Variants in MALRD1 observed in about 807,000 individuals in gnomAD.
MALRD1 encodes the protein MAM and LDL-receptor class A domain-containing protein 1.
Under a neutral mutation model 242.1 loss-of-function variants are expected in MALRD1, and 247 were observed. The ratio of observed to expected loss-of-function variants is 1.02; its 90% CI spans 0.92 to 1.13. MALRD1 has a LOEUF of 1.13. Ranked by LOEUF, MALRD1 falls within the 50% of genes most tolerant of loss-of-function variation. MALRD1 has a pLI of 0.00. For missense variants in MALRD1, 2,989 were observed against 2,533.1 expected, an observed-to-expected ratio of 1.18 and a Z score of -3.86; for synonymous variants, 995 against 866.6, an observed-to-expected ratio of 1.15 and a Z score of -2.60.
intron 18 of MALRD1, among the ~76,000 whole-genome samples, chr10:19,257,433 A>G (rs1203706812): frequency 6.6e-6 from 1 of 152,104 alleles, no homozygotes; most frequent in Non-Finnish European, 1.5e-5. Flanking sequence ...TGAAATTTCA[A>G]AAATGGAAAC....
chr10:19,237,829 T>TTATAATTATATATAATTATATAGTTATA lies in MALRD1; in HGVS notation c.2992-19842_2992-19815dup, dbSNP rs1564491047. ...TAATTATATAGAATTTTATATGTAA[T>TTATAATTATATATAATTATATAGTTATA]TATAATTATATATAATTATATAGTT... On this transcript the variant is annotated intron_variant, in intron 18 of 39. Transcript: ENST00000454679. Among the ~76,000 whole-genome samples, 470 of 76,176 alleles carry TTATAATTATATATAATTATATAGTTATA rather than the reference T, an allele frequency of 6.2e-3. 6 individuals carry two copies. The highest frequency in any genetic ancestry group is 0.023 in the African/African-American group (440 of 18,930). The allele number at this position is 76,176 out of a possible 152,430, so 50.0% of individuals were successfully genotyped here.
chr10:19,576,964 G>GTTT (rs11331552), intron 33 of MALRD1, among the ~76,000 whole-genome samples: 1 of 123,412 alleles, frequency 8.1e-6, no homozygotes. Context: ...CCACATTGTC[G>GTTT]TTTTTTTTTT....
chr10:19,316,698 C>T (rs994410102), intron 21 of MALRD1, among the ~76,000 whole-genome samples: 2 of 151,658 alleles, frequency 1.3e-5, no homozygotes, highest in Admixed American at 6.6e-5. Flanking sequence ...AGTGCTGTCA[C>T]CTATTTGTGG....
intron 19 of MALRD1, among the ~76,000 whole-genome samples, chr10:19,269,432 T>C (rs1316446962): frequency 6.6e-6 from 1 of 152,244 alleles, no homozygotes; most frequent in Non-Finnish European, 1.5e-5. Context: ...CTTTAGAAAA[T>C]ACTCTTCTAA....
chr10:19,111,354 A>G (rs993361151), intron 5 of MALRD1, among the ~76,000 whole-genome samples: 31 of 152,174 alleles, frequency 2.0e-4, no homozygotes, highest in African/African-American at 7.5e-4. Flanking sequence ...ACCATAATGT[A>G]TTTGAGGTGG....
At chr10:19,423,567 C>T (rs988647743) in intron 28 of MALRD1, among the ~76,000 whole-genome samples, 4 of 151,852 alleles carry the variant, frequency 2.6e-5, no homozygotes, top group Admixed American at 6.6e-5. Context: ...CTATGTAGTA[C>T]AGGTGATGCT....
intron 4 of MALRD1, among the ~76,000 whole-genome samples, chr10:19,101,365 A>G (rs1282257899): frequency 6.9e-6 from 1 of 144,634 alleles, no homozygotes; most frequent in Non-Finnish European, 1.5e-5. Flanking sequence ...GTAATTATAT[A>G]TTATATATAA....
chr10:19,547,624 A>G (rs745316867), intron 32 of MALRD1, among the ~76,000 whole-genome samples: 2 of 150,788 alleles, frequency 1.3e-5, no homozygotes, highest in East Asian at 2.0e-4. Flanking sequence ...TTTTTCCACC[A>G]TAAGATATAT....
intron 18 of MALRD1, among the ~76,000 whole-genome samples, chr10:19,240,967 G>A (rs1376422122): frequency 6.6e-6 from 1 of 152,014 alleles, no homozygotes; most frequent in Non-Finnish European, 1.5e-5. Flanking sequence ...CAGTTCACTT[G>A]TATCTTGTTG....
At chr10:19,337,308 A>T (rs1588931642) in intron 24 of MALRD1, among the ~76,000 whole-genome samples, 1 of 152,156 alleles carries the variant, frequency 6.6e-6, no homozygotes, top group African/African-American at 2.4e-5. Context: ...GAAATCATGA[A>T]ATGGAAGGAT....
intron 33 of MALRD1, among the ~76,000 whole-genome samples, chr10:19,590,101 G>C (rs1201969741): frequency 6.6e-6 from 1 of 151,976 alleles, no homozygotes; most frequent in Non-Finnish European, 1.5e-5. Context: ...TCAAGACACA[G>C]TACATTTATC....
intron 13 of MALRD1, among the ~76,000 whole-genome samples, chr10:19,172,092 T>G (rs1227369576): frequency 7.1e-6 from 1 of 140,542 alleles, no homozygotes; most frequent in African/African-American, 2.6e-5. Flanking sequence ...CACATATGTG[T>G]ATATGTATCA....
intron 29 of MALRD1, among the ~76,000 whole-genome samples, chr10:19,487,407 CATT>C (rs1455649998): frequency 6.6e-6 from 1 of 150,572 alleles, no homozygotes; most frequent in Non-Finnish European, 1.5e-5. Context: ...ATATTCTAGT[CATT>C]GTTCAGTTTA....
intron 18 of MALRD1, among the ~76,000 whole-genome samples, chr10:19,255,087 G>T (rs1371156977): frequency 6.6e-6 from 1 of 152,014 alleles, no homozygotes; most frequent in African/African-American, 2.4e-5. Flanking sequence ...TTTACGTGGA[G>T]CAGGTGGCAG....
At position 19,692,376 on chromosome 10, in the gene MALRD1, G is replaced by T. The variant is rs1345661886; in HGVS notation, c.6217+15G>T. Reference sequence around the variant, plus strand: ...CGCTCAGAATAGTAGGTGACATTATGACTAAATAAATGGCTTGGTTTGGGG... The same window carrying T: ...CGCTCAGAATAGTAGGTGACATTATTACTAAATAAATGGCTTGGTTTGGGG... On this transcript the variant is annotated intron_variant, in intron 37 of 39. Transcript: ENST00000454679. The T allele has an allele frequency of 2.0e-6, 3 of 1,533,832 alleles. No individual in the cohort carries two copies. In the East Asian group the frequency reaches 7.3e-5, roughly 38 times the overall value.
intron 24 of MALRD1, among the ~76,000 whole-genome samples, chr10:19,339,642 T>C (rs1318978657): frequency 6.6e-5 from 10 of 152,210 alleles, no homozygotes; most frequent in African/African-American, 1.9e-4. Context: ...GTCATCTGTA[T>C]CATGATAATG....
At chr10:19,451,653 A>C (rs1027309528) in intron 29 of MALRD1, among the ~76,000 whole-genome samples, 2 of 152,180 alleles carry the variant, frequency 1.3e-5, no homozygotes, top group African/African-American at 4.8e-5. Context: ...TGTTGCTCTC[A>C]TATTAAAATA....
chr10:19,227,542 A>G (rs1837851577), intron 18 of MALRD1, among the ~76,000 whole-genome samples: 1 of 152,102 alleles, frequency 6.6e-6, no homozygotes, highest in South Asian at 2.1e-4. Flanking sequence ...AATTTTTAAT[A>G]ATCTTACTAT....
At chr10:19,070,631 C>T (rs144676939) in intron 2 of MALRD1, among the ~76,000 whole-genome samples, 165 of 152,062 alleles carry the variant, frequency 1.1e-3, no homozygotes, top group African/African-American at 3.3e-3. Flanking sequence ...GTTTTAAAAT[C>T]CTTGCGTGCA....
Sources: allele counts gnomAD v4.1 joint callset (sites outside exome capture counted in the v4.1 genomes callset), GRCh38; gene constraint gnomAD v4.1.1; transcripts MANE v1.5; gene names NCBI Gene and HGNC (gene_info 2026-07-23, HGNC 2026-07-21).